Variants in HSD17B3 observed in about 807,000 individuals in gnomAD.
HSD17B3 encodes the protein hydroxysteroid 17-beta dehydrogenase 3.
HSD17B3 carries 29 observed loss-of-function variants against 41.1 expected under a neutral mutation model. The ratio of observed to expected loss-of-function variants is 0.71; its 90% CI spans 0.53 to 0.96. The LOEUF (loss-of-function observed/expected upper bound fraction) is 0.96, where lower values mean the gene tolerates loss of function less well. HSD17B3 is among the 40% of genes least tolerant of loss of function. The pLI is 0.00. For synonymous variants in HSD17B3, 126 were observed against 145.6 expected (o/e 0.87, Z 0.97); for missense variants, 323 against 374.6 (o/e 0.86, Z 1.14).
intron 2 of HSD17B3, among the ~76,000 whole-genome samples, chr9:96,268,083 C>A (rs533562933): frequency 2.7e-4 from 41 of 152,246 alleles, no homozygotes; most frequent in Non-Finnish European, 5.0e-4. Flanking sequence ...CGCCACCACG[C>A]CCAGCTAATT....
At chr9:96,291,018 G>GT (rs1266847352) in intron 2 of HSD17B3, among the ~76,000 whole-genome samples, 1 of 151,982 alleles carries the variant, frequency 6.6e-6, no homozygotes, top group Non-Finnish European at 1.5e-5. Flanking sequence ...GCTGGGTGGG[G>GT]AGCTGGGTCT....
intron 2 of HSD17B3, among the ~76,000 whole-genome samples, chr9:96,280,525 A>C (rs1826651379): frequency 6.6e-6 from 1 of 152,174 alleles, no homozygotes; most frequent in Non-Finnish European, 1.5e-5. Context: ...GAAATAGCAC[A>C]CTCAAACTGA....
Position 96,295,227 on chromosome 9 carries a change from G to C in HSD17B3, c.201+3189C>G, listed in dbSNP as rs141774484. On this transcript the variant is annotated intron_variant, in intron 2 of 10. Transcript: ENST00000375263. Reference sequence around the variant, plus strand: ...TCACTACGTTGGTCAGGCTGGTCTGGAACTCCTGACCTCATGATCTGCCCA... The same window carrying C: ...TCACTACGTTGGTCAGGCTGGTCTGCAACTCCTGACCTCATGATCTGCCCA... 5.3e-3 allele frequency among the ~76,000 whole-genome samples: 803 copies of C among 152,058 alleles called. 7 individuals are homozygous for C. The highest frequency in any genetic ancestry group is 0.016 in the South Asian group (75 of 4,814).
chr9:96,266,974 AG>A (rs906078508), intron 2 of HSD17B3, among the ~76,000 whole-genome samples: 1 of 152,048 alleles, frequency 6.6e-6, no homozygotes, highest in African/African-American at 2.4e-5. Context: ...CTCACCCTAT[AG>A]TACACCCTGA....
At chr9:96,273,478 G>C (rs1826339781) in intron 2 of HSD17B3, among the ~76,000 whole-genome samples, 1 of 152,130 alleles carries the variant, frequency 6.6e-6, no homozygotes, top group African/African-American at 2.4e-5. Flanking sequence ...GAAAAGGAGA[G>C]CAGGATGACT....
At chr9:96,250,837 G>A (rs1277570496) in intron 5 of HSD17B3, among the ~76,000 whole-genome samples, 3 of 150,368 alleles carry the variant, frequency 2.0e-5, no homozygotes, top group Non-Finnish European at 2.9e-5. Context: ...GCAGTGAGCC[G>A]AGATCATGTT....
intron 2 of HSD17B3, among the ~76,000 whole-genome samples, chr9:96,297,283 T>G (rs763147076): frequency 2.0e-5 from 3 of 151,834 alleles, no homozygotes; most frequent in Non-Finnish European, 4.4e-5. Context: ...TAGGATTACT[T>G]ATTTTTCTAT....
At chr9:96,272,131 G>A (rs1826265630) in intron 2 of HSD17B3, among the ~76,000 whole-genome samples, 1 of 151,788 alleles carries the variant, frequency 6.6e-6, no homozygotes, top group South Asian at 2.1e-4. Context: ...CACTTTGGGA[G>A]TCTAAGGCAG....
intron 2 of HSD17B3, among the ~76,000 whole-genome samples, chr9:96,269,904 A>C (rs545517944): frequency 1.6e-3 from 147 of 93,108 alleles, no homozygotes; most frequent in Non-Finnish European, 2.7e-3. Context: ...AATCCATCTT[A>C]AAAAGAAAAA....
chr9:96,248,050 T>C (rs1294303222), intron 6 of HSD17B3, among the ~76,000 whole-genome samples: 1 of 152,192 alleles, frequency 6.6e-6, no homozygotes, highest in Non-Finnish European at 1.5e-5. Context: ...TCAAAGCATT[T>C]CTCTGCTAAA....
At chr9:96,270,285 GAGAGAC>G (rs1391703895) in intron 2 of HSD17B3, among the ~76,000 whole-genome samples, 2 of 149,730 alleles carry the variant, frequency 1.3e-5, no homozygotes, top group East Asian at 3.9e-4. Flanking sequence ...GAGAGAGAGA[GAGAGAC>G]AGAGACAGAG....
At chr9:96,279,927 C>A (rs1387022262) in intron 2 of HSD17B3, among the ~76,000 whole-genome samples, 1 of 152,238 alleles carries the variant, frequency 6.6e-6, no homozygotes, top group East Asian at 1.9e-4. Flanking sequence ...CCGCCACCAC[C>A]CCTGGCTAAT....
At chr9:96,268,810 G>A (rs1356636102) in intron 2 of HSD17B3, among the ~76,000 whole-genome samples, 2 of 152,082 alleles carry the variant, frequency 1.3e-5, no homozygotes, top group African/African-American at 4.8e-5. Flanking sequence ...TTAGCTGCAC[G>A]TGGTGGTGCA....
At chr9:96,236,552 T>TAAATAAATAAATAAAA (rs1554691556) in intron 10 of HSD17B3, among the ~76,000 whole-genome samples, 4 of 150,404 alleles carry the variant, frequency 2.7e-5, no homozygotes, top group African/African-American at 7.4e-5. Context: ...AATAAATAAA[T>TAAATAAATAAATAAAA]AAAATGAGGA....
intron 9 of HSD17B3, among the ~76,000 whole-genome samples, chr9:96,243,745 A>C (rs1836543207): frequency 6.6e-6 from 1 of 152,220 alleles, no homozygotes; most frequent in African/African-American, 2.4e-5. Context: ...GTGACAGCCC[A>C]GCTCTGCCTA....
chr9:96,240,757 C>T lies in HSD17B3; in HGVS notation c.822+1G>A. The T allele has an allele frequency of 6.2e-7, 1 of 1,614,178 alleles. No homozygotes were observed. The highest frequency in any genetic ancestry group is 8.5e-7 in the Non-Finnish European group (1 of 1,180,040). Reference sequence around the variant, plus strand: ...CAAGAAAAGGAGAAGTTATCAATTACCAAGATTTCATGGGCAAGGCAGCCA... The same window carrying T: ...CAAGAAAAGGAGAAGTTATCAATTATCAAGATTTCATGGGCAAGGCAGCCA... On this transcript the variant is annotated splice_donor_variant, in intron 10 of 10. Coordinates refer to ENST00000375263, the MANE Select transcript of HSD17B3 (RefSeq NM_000197.2). LOFTEE classifies it high-confidence loss of function.
chr9:96,264,972 C>G (rs554925749), intron 2 of HSD17B3, among the ~76,000 whole-genome samples: 1 of 152,246 alleles, frequency 6.6e-6, no homozygotes, highest in Admixed American at 6.5e-5. Context: ...TTATTCCAAA[C>G]TTCAAAAAAA....
At chr9:96,253,698 C>T (rs1170299565) in intron 3 of HSD17B3, among the ~76,000 whole-genome samples, 3 of 152,160 alleles carry the variant, frequency 2.0e-5, no homozygotes, top group Non-Finnish European at 4.4e-5. Context: ...TGGTGAGCTG[C>T]TTTGCTTTGG....
intron 2 of HSD17B3, among the ~76,000 whole-genome samples, chr9:96,287,693 GAGCGAGACTCC>G (rs1826978588): frequency 6.6e-6 from 1 of 152,030 alleles, no homozygotes; most frequent in South Asian, 2.1e-4. Context: ...CTGGGCAAGA[GAGCGAGACTCC>G]GTCTCTAAAT....
Sources: gnomAD v4.1 joint callset for allele counts (sites outside exome capture counted in the v4.1 genomes callset) on GRCh38, gnomAD v4.1.1 for gene constraint, MANE v1.5 for transcripts, NCBI Gene and HGNC (gene_info 2026-07-23, HGNC 2026-07-21) for gene names.